Variants in SVIL observed in about 807,000 individuals in gnomAD.
SVIL encodes supervillin.
In SVIL, 101 loss-of-function variants were observed where a neutral mutation model predicts 240.4. That is an observed-to-expected ratio of 0.42 (90% CI 0.36 to 0.50). SVIL has a LOEUF of 0.50. Among genes scored for constraint, SVIL ranks in the 20% least tolerant of loss-of-function variants. The pLI, the probability that SVIL is intolerant of heterozygous loss-of-function variation, is 0.01. For synonymous variants in SVIL, 999 were observed against 1,100.0 expected (o/e 0.91, Z 1.82); for missense variants, 2,512 against 2,818.7 (o/e 0.89, Z 2.46).
intron 33 of SVIL, chr10:29,467,151 T>G (rs74129289): frequency 6.6e-6 from 1 of 152,382 alleles, no homozygotes; most frequent in African/African-American, 2.4e-5. Context: ...TTAGAACAGC[T>G]GGGAAAGTAC....
intron 12 of SVIL, 119 bp from the exon 13 acceptor site, chr10:29,527,175 G>T: frequency 2.1e-6 from 2 of 961,124 alleles, no homozygotes; most frequent in Admixed American, 2.6e-5. Context: ...AGAATATTTT[G>T]CTAATTATTT....
chr10:29,494,490 C>T (rs978379512), intron 20 of SVIL, among the ~76,000 whole-genome samples: 7 of 152,046 alleles, frequency 4.6e-5, no homozygotes, highest in East Asian at 1.9e-4. Flanking sequence ...TTTGGTATAC[C>T]GCATTGACTT....
chr10:29,476,148 T>G (rs1372533277), intron 29 of SVIL, among the ~76,000 whole-genome samples: 1 of 152,236 alleles, frequency 6.6e-6, no homozygotes, highest in Non-Finnish European at 1.5e-5. Context: ...AGCCACTTAA[T>G]TGAAATTTCT....
intron 1 of SVIL, among the ~76,000 whole-genome samples, chr10:29,628,300 G>A (rs1434243534): frequency 6.6e-6 from 1 of 152,134 alleles, no homozygotes; most frequent in Non-Finnish European, 1.5e-5. Context: ...TGGAGTAACA[G>A]GTGTGCAACT....
At chr10:29,569,998 A>G (rs577318952) in intron 1 of SVIL, among the ~76,000 whole-genome samples, 47 of 152,386 alleles carry the variant, frequency 3.1e-4, no homozygotes, top group African/African-American at 9.9e-4. Flanking sequence ...TTTGGCTTAC[A>G]GCATTTGTCC....
intron 1 of SVIL, among the ~76,000 whole-genome samples, chr10:29,711,102 A>C (rs1340944168): frequency 6.7e-6 from 1 of 149,562 alleles, no homozygotes; most frequent in Non-Finnish European, 1.5e-5. Context: ...AAACAAACCA[A>C]TAAAAAAATT....
intron 36 of SVIL, among the ~76,000 whole-genome samples, chr10:29,459,985 G>A (rs1412169771): frequency 2.6e-5 from 4 of 152,124 alleles, no homozygotes; most frequent in Non-Finnish European, 5.9e-5. Flanking sequence ...TACCTACTTG[G>A]GGTGGCTGAG....
chr10:29,599,558 G>T (rs946013490), intron 1 of SVIL, among the ~76,000 whole-genome samples: 17 of 152,090 alleles, frequency 1.1e-4, no homozygotes, highest in African/African-American at 4.1e-4. Flanking sequence ...TGGGACTACG[G>T]GTATGTGCCA....
At chr10:29,631,687 A>G (rs1254427851) in intron 1 of SVIL, among the ~76,000 whole-genome samples, 1 of 152,222 alleles carries the variant, frequency 6.6e-6, no homozygotes, top group East Asian at 1.9e-4. Context: ...TGGCAGGAGA[A>G]TCCCTTGAAC....
chr10:29,473,972 C>T lies in SVIL; in HGVS notation c.5395G>A (p.Gly1799Arg), dbSNP rs750985263. 9.9e-6 allele frequency: 16 copies of T among 1,613,558 alleles called. No homozygotes were observed. The African/African-American group carries it at 2.1e-4, about 22-fold the overall frequency. ...VSTAVGSRQKGEHSVRAAGKE... is the reference protein window; with the variant it reads ...VSTAVGSRQKREHSVRAAGKE... The stretch of plus-strand genomic sequence containing the variant: ...CCGGCTGCCCTCACCGAGTGCTCTC[C>T]CTTCTGGCGACTTCCCACTGCAAAC... The change falls in exon 30 of 38, where the codon GGA becomes AGA. Residue 1799 changes from glycine to arginine, a missense_variant. Gly to Arg is a moderately radical substitution (Grantham distance 125, BLOSUM62 -2). Around this residue, in one of 3 missense-constraint regions of SVIL, gnomAD observed 797 missense variants for 925.3 expected, o/e 0.86. Coordinates refer to ENST00000355867, the MANE Select transcript of SVIL (RefSeq NM_021738.3).
intron 2 of SVIL, among the ~76,000 whole-genome samples, chr10:29,671,786 C>T (rs891186927): frequency 6.6e-6 from 1 of 152,186 alleles, no homozygotes; most frequent in African/African-American, 2.4e-5. Flanking sequence ...CACACAATGT[C>T]AAATCCTCTG....
At chr10:29,691,220 T>A (rs556975418) in intron 1 of SVIL, among the ~76,000 whole-genome samples, 4 of 151,622 alleles carry the variant, frequency 2.6e-5, no homozygotes, top group Non-Finnish European at 5.9e-5. Context: ...TAATTTTTTT[T>A]TTTTTTTTTG....
chr10:29,688,445 T>G (rs375420271), intron 1 of SVIL, among the ~76,000 whole-genome samples: 2 of 152,206 alleles, frequency 1.3e-5, no homozygotes, highest in East Asian at 3.9e-4. Flanking sequence ...GTTCCCTGCT[T>G]TCTTTGTTAT....
intron 17 of SVIL, among the ~76,000 whole-genome samples, chr10:29,502,723 T>C (rs1412429409): frequency 6.6e-6 from 1 of 151,774 alleles, no homozygotes; most frequent in Admixed American, 6.6e-5. Flanking sequence ...GGCAGTGAAA[T>C]AGGTAGAAAG....
intron 1 of SVIL, among the ~76,000 whole-genome samples, chr10:29,630,691 A>G (rs1958051328): frequency 6.6e-6 from 1 of 151,502 alleles, no homozygotes; most frequent in Non-Finnish European, 1.5e-5. Flanking sequence ...ATATACAGAA[A>G]CCCCATCGGA....
In SVIL at chr10:29,551,336, C is replaced by G; in HGVS notation, c.161-73G>C. The G allele has an allele frequency of 2.8e-6, 4 of 1,404,200 alleles. 1 individual carries two copies. In the South Asian group the frequency reaches 5.6e-5, roughly 20 times the overall value. 87.0% of individuals were successfully genotyped at this position (1,404,200 alleles called of 1,614,324 possible). On this transcript the variant is annotated intron_variant, in intron 5 of 37. Transcript: ENST00000355867. ...ATGTATTTACACACAGAATGACACT[C>G]TACTGCACACAGCACACACCTGGGT...
intron 2 of SVIL, among the ~76,000 whole-genome samples, chr10:29,681,860 T>G (rs1403236227): frequency 2.6e-5 from 4 of 152,188 alleles, no homozygotes; most frequent in Non-Finnish European, 5.9e-5. Context: ...ATGCAGGGCT[T>G]CTTACACAGG....
chr10:29,708,727 A>T (rs1662538567), intron 1 of SVIL, among the ~76,000 whole-genome samples: 1 of 152,198 alleles, frequency 6.6e-6, no homozygotes, highest in South Asian at 2.1e-4. Context: ...TAAAAAGTAT[A>T]CAGTGTGCAT....
chr10:29,719,944 T>C (rs185352539), intron 1 of SVIL, among the ~76,000 whole-genome samples: 18 of 152,266 alleles, frequency 1.2e-4, no homozygotes, highest in African/African-American at 4.1e-4. Context: ...AATAAAAATA[T>C]AAACCCAAAG....
Sources: gnomAD v4.1 joint callset for allele counts (sites outside exome capture counted in the v4.1 genomes callset) on GRCh38, gnomAD v4.1.1 for gene constraint, gnomAD v4.1.1 regional missense constraint, MANE v1.5 for transcripts, NCBI Gene and HGNC (gene_info 2026-07-23, HGNC 2026-07-21) for gene names.